Variants in ATE1 observed in about 807,000 individuals in gnomAD.
ATE1 encodes arginyltransferase 1.
ATE1 carries 36 observed loss-of-function variants against 70.5 expected under a neutral mutation model. That is an observed-to-expected ratio of 0.51 (90% confidence interval 0.39 to 0.67). ATE1 has a LOEUF of 0.67. Ranked by LOEUF, ATE1 falls within the 30% of genes least tolerant of loss-of-function variation. ATE1 has a pLI of 0.00. For synonymous variants in ATE1, 232 were observed against 219.3 expected (o/e 1.06, Z -0.51); for missense variants, 593 against 629.5 (o/e 0.94, Z 0.62).
At chr10:121,863,539 C>T (rs1243856476) in intron 8 of ATE1, among the ~76,000 whole-genome samples, 6 of 152,106 alleles carry the variant, frequency 3.9e-5, no homozygotes, top group Non-Finnish European at 7.4e-5. Flanking sequence ...GCGTGAGCCA[C>T]AGCGCCCAGC....
At chr10:121,858,771 C>T (rs1949355144) in intron 8 of ATE1, among the ~76,000 whole-genome samples, 1 of 150,088 alleles carries the variant, frequency 6.7e-6, no homozygotes, top group African/African-American at 2.4e-5. Flanking sequence ...TCATCTTTGC[C>T]ACTTTAAAAT....
intron 8 of ATE1, among the ~76,000 whole-genome samples, chr10:121,850,231 C>G (rs1305326746): frequency 6.6e-6 from 1 of 152,094 alleles, no homozygotes; most frequent in African/African-American, 2.4e-5. Flanking sequence ...TCGAAAACAC[C>G]AAGAATGAAC....
chr10:121,786,654 T>A (rs1180493120), intron 11 of ATE1, among the ~76,000 whole-genome samples: 4 of 145,870 alleles, frequency 2.7e-5, no homozygotes, highest in African/African-American at 7.6e-5. Flanking sequence ...AAAAAAAAAA[T>A]CTTTATTAGA....
intron 8 of ATE1, among the ~76,000 whole-genome samples, chr10:121,867,584 A>G (rs1332948110): frequency 6.6e-6 from 1 of 152,118 alleles, no homozygotes; most frequent in Non-Finnish European, 1.5e-5. Context: ...TGATTATAAG[A>G]AGCATTACCA....
chr10:121,765,268 T>A (rs1465403937), intron 11 of ATE1, among the ~76,000 whole-genome samples: 1 of 152,150 alleles, frequency 6.6e-6, no homozygotes, highest in African/African-American at 2.4e-5. Context: ...TGAGGGTTCA[T>A]CCACCCTTCA....
chr10:121,832,277 GAATA>G (rs974305716), intron 10 of ATE1, among the ~76,000 whole-genome samples: 2 of 152,122 alleles, frequency 1.3e-5, no homozygotes, highest in African/African-American at 4.8e-5. Context: ...ATTTTATTCA[GAATA>G]AATACCTGAG....
intron 10 of ATE1, among the ~76,000 whole-genome samples, chr10:121,796,156 C>T (rs1460124762): frequency 6.6e-6 from 1 of 152,038 alleles, no homozygotes; most frequent in Non-Finnish European, 1.5e-5. Flanking sequence ...GCTAGACATC[C>T]TTTGCAAGTC....
intron 7 of ATE1, among the ~76,000 whole-genome samples, chr10:121,886,963 A>G (rs1312098444): frequency 1.3e-5 from 2 of 152,138 alleles, no homozygotes; most frequent in Non-Finnish European, 2.9e-5. Context: ...CATTAAGAGG[A>G]AAAAAAATAA....
chr10:121,778,040 T>C (rs1205318201), intron 11 of ATE1, among the ~76,000 whole-genome samples: 9 of 152,242 alleles, frequency 5.9e-5, no homozygotes, highest in Non-Finnish European at 8.8e-5. Context: ...GTTACTTTAA[T>C]AGATTGTTAC....
intron 10 of ATE1, among the ~76,000 whole-genome samples, chr10:121,812,110 C>T (rs1442968216): frequency 6.6e-6 from 1 of 151,848 alleles, no homozygotes; most frequent in Non-Finnish European, 1.5e-5. Flanking sequence ...CATGAGACAC[C>T]ACGCCTGACT....
Position 121,760,477 on chromosome 10 carries a change from A to T in ATE1, c.1379-16619T>A, listed in dbSNP as rs1334171124. Among the ~76,000 whole-genome samples, 3 of 152,224 alleles carry T rather than the reference A, an allele frequency of 2.0e-5. No homozygotes were observed. In the East Asian group the frequency reaches 5.8e-4, roughly 29 times the overall value. On this transcript the variant is annotated intron_variant, in intron 11 of 11. Coordinates refer to ENST00000224652, the MANE Select transcript of ATE1 (RefSeq NM_001001976.3). ...ATGGATGATTTGGAGGGGTTTGAGA[A>T]TTCAGTGGAGGAAGTTACTGAAGCT...
At chr10:121,789,797 G>C (rs1029583538) in intron 11 of ATE1, among the ~76,000 whole-genome samples, 1 of 152,116 alleles carries the variant, frequency 6.6e-6, no homozygotes, top group Non-Finnish European at 1.5e-5. Context: ...ATTCGGTCCA[G>C]TTGGTCAATA....
chr10:121,755,110 T>C (rs1944741334), intron 11 of ATE1, among the ~76,000 whole-genome samples: 1 of 152,150 alleles, frequency 6.6e-6, no homozygotes, highest in African/African-American at 2.4e-5. Flanking sequence ...CACTTGAACC[T>C]TAGGTCTAAA....
upstream of ATE1, chr10:121,928,325 CTCCGGCG>C: frequency 6.6e-7 from 1 of 1,515,732 alleles, no homozygotes; most frequent in Non-Finnish European, 8.8e-7. Flanking sequence ...GCCGCGCCAA[CTCCGGCG>C]TCGGGAACAC....
At chr10:121,808,569 T>A (rs148644098) in intron 10 of ATE1, among the ~76,000 whole-genome samples, 5 of 152,360 alleles carry the variant, frequency 3.3e-5, no homozygotes, top group African/African-American at 9.6e-5. Context: ...TTGTAAACTA[T>A]CCGGCAATAT....
At chr10:121,829,981 G>A (rs958347464) in intron 10 of ATE1, among the ~76,000 whole-genome samples, 7 of 152,180 alleles carry the variant, frequency 4.6e-5, no homozygotes, top group Non-Finnish European at 1.0e-4. Flanking sequence ...TTTTCTGTGA[G>A]TTATTTCTTG....
At chr10:121,897,410 G>C (rs1950821214) in intron 7 of ATE1, among the ~76,000 whole-genome samples, 1 of 152,186 alleles carries the variant, frequency 6.6e-6, no homozygotes, top group African/African-American at 2.4e-5. Flanking sequence ...AAGCTTCCTA[G>C]GCCTAGCAGA....
chr10:121,881,094 T>C (rs184626981), intron 7 of ATE1, among the ~76,000 whole-genome samples: 20 of 152,314 alleles, frequency 1.3e-4, no homozygotes, highest in Admixed American at 5.2e-4. Flanking sequence ...ATGACATCAT[T>C]TGAATTTTCC....
At chr10:121,774,703 A>G (rs140138938) in intron 11 of ATE1, among the ~76,000 whole-genome samples, 1 of 152,338 alleles carries the variant, frequency 6.6e-6, no homozygotes, top group Non-Finnish European at 1.5e-5. Context: ...ACTTCGATCT[A>G]AATGTAAAAT....
Sources: gnomAD v4.1 joint callset for allele counts (sites outside exome capture counted in the v4.1 genomes callset) on GRCh38, gnomAD v4.1.1 for gene constraint, MANE v1.5 for transcripts, NCBI Gene and HGNC (gene_info 2026-07-23, HGNC 2026-07-21) for gene names.